SEMA6B: variants seen among roughly 807,000 people sequenced by gnomAD.
SEMA6B encodes semaphorin 6B, also known as semaphorin-6B.
SEMA6B carries 47 observed loss-of-function variants against 78.6 expected under a neutral mutation model. That is an observed-to-expected ratio of 0.60 (90% CI 0.47 to 0.76). The LOEUF is 0.76. Ranked by LOEUF, SEMA6B falls within the 30% of genes least tolerant of loss-of-function variation. SEMA6B has a pLI of 0.00. For synonymous variants in SEMA6B, 632 were observed against 592.2 expected, an observed-to-expected ratio of 1.07 and a Z score of -0.98; for missense variants, 1,213 against 1,269.9, an observed-to-expected ratio of 0.96 and a Z score of 0.68.
At position 4,558,779 on chromosome 19, in the gene SEMA6B, A is replaced by G. The variant is rs1374311787; in HGVS notation, c.-32-290T>C. 6.6e-6 allele frequency among the ~76,000 whole-genome samples: 1 copy of G among 152,090 alleles called. No homozygotes were observed. Among genetic ancestry groups the G allele is most frequent in the Non-Finnish European group, 1.5e-5 (1 of 68,026 alleles). ...TTATAATAATAGATACAAATATCCT[A>G]AAACATATATTTAAAAATGCAATCG... On this transcript the variant is annotated intron_variant, in intron 1 of 16. Coordinates refer to ENST00000586582, the MANE Select transcript of SEMA6B (RefSeq NM_032108.4). This position sits in a 1 kb window ranked among gnomAD's most constrained non-coding sequence, Gnocchi z 5.1.
chr19:4,546,065 C>CGG, intron 16 of SEMA6B, 151 bp downstream of exon 16: 1 of 790,640 alleles, frequency 1.3e-6, no homozygotes, highest in Non-Finnish European at 1.9e-6. Flanking sequence ...GCCACCGCGC[C>CGG]CGGCCCACCC....
chr19:4,544,195 C>A lies in SEMA6B; in HGVS notation c.2073G>T (p.Lys691Asn), dbSNP rs1977101495. Residue 691 changes from lysine to asparagine, a missense_variant, in exon 17 of 17, where the codon AAG (lysine) becomes AAT (asparagine). Coordinates refer to ENST00000586582, the MANE Select transcript of SEMA6B (RefSeq NM_032108.4). The surrounding 1 kb of genome is among the most constrained non-coding windows in gnomAD (Gnocchi z 5.1). Reference protein sequence around the residue: ...LAPLMQNGWAKATLLQGGPHD... With the variant: ...LAPLMQNGWANATLLQGGPHD... Reference sequence around the variant, plus strand: ...GGGGCCCGCCCTGCAGCAGCGTGGCCTTGGCCCAGCCGTTCTGCATCAGGG... The same window carrying A: ...GGGGCCCGCCCTGCAGCAGCGTGGCATTGGCCCAGCCGTTCTGCATCAGGG... 6.3e-6 allele frequency: 8 copies of A among 1,272,680 alleles called. No individual in the cohort carries two copies. The highest frequency in any genetic ancestry group is 7.9e-6 in the Non-Finnish European group (8 of 1,011,474). 78.8% of individuals were successfully genotyped at this position (1,272,680 alleles called of 1,614,324 possible).
Position 4,558,343 on chromosome 19 carries a change from T to TG in SEMA6B, c.114dup (p.Arg39GlnfsTer25). 7.7e-7 allele frequency: 1 copy of TG among 1,299,266 alleles called. No individual in the cohort carries two copies. Among genetic ancestry groups the TG allele is most frequent in the East Asian group, 3.0e-5 (1 of 33,318 alleles). The allele number at this position is 1,299,266 out of a possible 1,614,324, so 80.5% of individuals were successfully genotyped here. A position where few individuals can be genotyped will look rare whatever the true frequency, so the allele number is the denominator to read the frequency against. On this transcript the variant is annotated frameshift_variant, in exon 2 of 17. Transcript: ENST00000586582. LOFTEE classifies it high-confidence loss of function. This position sits in a 1 kb window ranked among gnomAD's most constrained non-coding sequence, Gnocchi z 5.1. The stretch of plus-strand genomic sequence containing the variant: ...AAGACACCCCCAGACTCACAGTCCC[T>TG]GGGGGCCACGCTAAGCGGCGGCGGC...
In SEMA6B at chr19:4,548,175, TG is replaced by T. The variant is rs369127212; in HGVS notation, c.1455-3del. On this transcript the variant is annotated splice_region_variant and splice_polypyrimidine_tract_variant and intron_variant, in intron 13 of 16. Transcript: ENST00000586582. ...TCGCCACCGCCGGGCCGTCCACACC[TG>T]GGGACAAGCAGAGTGGTGAGGCTGA... is the stretch of plus-strand genomic sequence containing the variant. The T allele has an allele frequency of 7.8e-5, 124 of 1,589,712 alleles. No individual in the cohort carries two copies. The East Asian group carries it at 2.7e-3, about 35-fold the overall frequency.
At chr19:4,554,353 CCT>C in intron 9 of SEMA6B, 33 bp downstream of exon 9, 1 of 1,514,724 alleles carries the variant, frequency 6.6e-7, no homozygotes, top group Non-Finnish European at 9.2e-7. Context: ...ATGATCAGAG[CCT>C]CTCAACTTCA....
intron 9 of SEMA6B, among the ~76,000 whole-genome samples, chr19:4,554,004 T>C (rs1269291997): frequency 6.6e-6 from 1 of 151,630 alleles, no homozygotes; most frequent in Non-Finnish European, 1.5e-5. Flanking sequence ...GATGAGTAGA[T>C]GGATTAATGG....
intron 9 of SEMA6B, among the ~76,000 whole-genome samples, chr19:4,553,058 C>T (rs756885116): frequency 2.0e-5 from 3 of 152,060 alleles, no homozygotes; most frequent in Non-Finnish European, 4.4e-5. Flanking sequence ...CCTGGATGGA[C>T]GGATGAGTGG....
At chr19:4,556,144 T>C (rs1977464237) in intron 5 of SEMA6B, 55 bp from the exon 6 acceptor site, 6 of 1,299,206 alleles carry the variant, frequency 4.6e-6, no homozygotes, top group African/African-American at 4.4e-5. Flanking sequence ...GTCATGGTGA[T>C]GGGCGTGGCC....
Position 4,543,252 on chromosome 19 carries a change from G to A in SEMA6B, c.*349C>T, listed in dbSNP as rs1016646048. ...CCCCACCGGCGTCCAAGCCTCCCCT[G>A]CCTGCCGCCACCCCGAGAACGGAGT... On this transcript the variant is annotated 3_prime_UTR_variant, in exon 17 of 17. Coordinates refer to ENST00000586582, the MANE Select transcript of SEMA6B (RefSeq NM_032108.4). The A allele has an allele frequency of 1.9e-6, 1 of 529,654 alleles. No homozygotes were observed. Among genetic ancestry groups the A allele is most frequent in the Non-Finnish European group, 3.3e-6 (1 of 298,694 alleles). 32.8% of individuals were successfully genotyped at this position (529,654 alleles called of 1,614,324 possible). A position where few individuals can be genotyped will look rare whatever the true frequency, so the allele number is the denominator to read the frequency against.
At position 4,542,617 on chromosome 19, in the gene SEMA6B, T is replaced by C; in HGVS notation, c.*984A>G. On this transcript the variant is annotated 3_prime_UTR_variant, in exon 17 of 17. Coordinates refer to ENST00000586582, the MANE Select transcript of SEMA6B (RefSeq NM_032108.4). ...GTGGTTGTAAACAGAGTTTTATTGATGGGGAGGGGGCTGGGGGAGGCAAAC... is the reference window on the plus strand; with the variant it reads ...GTGGTTGTAAACAGAGTTTTATTGACGGGGAGGGGGCTGGGGGAGGCAAAC... The C allele has an allele frequency of 2.0e-6, 1 of 510,318 alleles. No homozygotes were observed. The highest frequency in any genetic ancestry group is 3.6e-6 in the Non-Finnish European group (1 of 278,152). The allele number at this position is 510,318 out of a possible 1,614,324, so 31.6% of individuals were successfully genotyped here. A position where few individuals can be genotyped will look rare whatever the true frequency, so the allele number is the denominator to read the frequency against.
rs1444664005 is a variant in SEMA6B at position 4,555,213 on chromosome 19, C to T, written c.563-118G>A. 9 of 1,132,464 alleles carry T rather than the reference C, an allele frequency of 7.9e-6. No individual in the cohort carries two copies. Among genetic ancestry groups the T allele is most frequent in the African/African-American group, 1.5e-5 (1 of 65,062 alleles). The allele number at this position is 1,132,464 out of a possible 1,614,324, so 70.2% of individuals were successfully genotyped here. A position where few individuals can be genotyped will look rare whatever the true frequency, so the allele number is the denominator to read the frequency against. ...CTGAGCCTAGGGGAGCCCCTGTCTC[C>T]AGGCTGAGCCCTGATCCCATCCAAG... On this transcript the variant is annotated intron_variant, in intron 7 of 16. Transcript: ENST00000586582. The surrounding 1 kb of genome is among the most constrained non-coding windows in gnomAD (Gnocchi z 6.1).
In SEMA6B at chr19:4,550,341, GT is replaced by G. The variant is rs1977292484; in HGVS notation, c.1122-70del. The G allele has an allele frequency of 1.9e-6, 3 of 1,542,982 alleles. No homozygotes were observed. In the African/African-American group the frequency reaches 4.1e-5, roughly 21 times the overall value. ...CATAAAGGGGCCTGATTCACCAGAG[GT>G]ACCCATTGCTTTGCCCAACGACCCT... On this transcript the variant is annotated intron_variant, in intron 11 of 16. Transcript: ENST00000586582. The surrounding 1 kb of genome is among the most constrained non-coding windows in gnomAD (Gnocchi z 6.6).
chr19:4,548,670 C>T (rs1315046951), intron 12 of SEMA6B, among the ~76,000 whole-genome samples: 1 of 152,254 alleles, frequency 6.6e-6, no homozygotes, highest in African/African-American at 2.4e-5. Flanking sequence ...CTCTCCTCAG[C>T]CCTGTCTCTT....
rs1027807671 is a variant in SEMA6B at position 4,543,465 on chromosome 19, C to T, written c.*136G>A. 5 of 129,692 alleles carry T rather than the reference C, an allele frequency of 3.9e-5. No individual in the cohort carries two copies. The highest frequency in any genetic ancestry group is 1.4e-5 in the Non-Finnish European group (1 of 73,762). 8.0% of individuals were successfully genotyped at this position (129,692 alleles called of 1,614,324 possible). A position where few individuals can be genotyped will look rare whatever the true frequency, so the allele number is the denominator to read the frequency against. ...TTGTGCTTCCTTGTGGCGGAGGGGG[C>T]CCCCCACTCCGCGGGTGGGTCGCGG... On this transcript the variant is annotated 3_prime_UTR_variant, in exon 17 of 17. Coordinates refer to ENST00000586582, the MANE Select transcript of SEMA6B (RefSeq NM_032108.4).
At chr19:4,551,220 C>CT (rs550058306) in intron 10 of SEMA6B, among the ~76,000 whole-genome samples, 12,634 of 132,884 alleles carry the variant, frequency 0.095, 946 homozygotes, top group African/African-American at 0.2. Flanking sequence ...CCCCAGCAGG[C>CT]TTTTTTTTTT....
intron 3 of SEMA6B, 112 bp downstream of exon 3, chr19:4,557,914 C>T (rs1380497081): frequency 1.7e-5 from 16 of 952,544 alleles, no homozygotes; most frequent in Non-Finnish European, 2.2e-5. Context: ...TCCCAATGGC[C>T]CAACAGGCCC....
At position 4,544,336 on chromosome 19, in the gene SEMA6B, C is replaced by T. The variant is rs1399547813; in HGVS notation, c.1932G>A (p.Ala644=). ...GGCTGACGCTCAGCACCGCCTCGCCCGCCCCGTGCGCCAGGATGGCCTCCT... is the reference window on the plus strand; with the variant it reads ...GGCTGACGCTCAGCACCGCCTCGCCTGCCCCGTGCGCCAGGATGGCCTCCT... The part of the protein sequence containing the change: ...KDKEAILAHG[A]GEAVLSVSRL... Residue 644 remains alanine (A), a synonymous_variant, in exon 17 of 17, where the codon GCG becomes GCA. Coordinates refer to ENST00000586582, the MANE Select transcript of SEMA6B (RefSeq NM_032108.4). The surrounding 1 kb of genome is among the most constrained non-coding windows in gnomAD (Gnocchi z 5.1). The T allele has an allele frequency of 1.3e-6, 2 of 1,530,246 alleles. No individual in the cohort carries two copies. Among genetic ancestry groups the T allele is most frequent in the South Asian group, 2.4e-5 (2 of 83,128 alleles). 94.8% of individuals were successfully genotyped at this position (1,530,246 alleles called of 1,614,324 possible).
At position 4,555,054 on chromosome 19, in the gene SEMA6B, T is replaced by C; in HGVS notation, c.604A>G (p.Ile202Val). ...FTATVTDFLA[I>V]DAVIYRSLGD... ...AGGCTGCGGTAGATGACAGCATCAA[T>C]GGCTAGGAAGTCGGTAACAGTAGCT... The change falls in exon 8 of 17, where the codon ATT becomes GTT. Residue 202 changes from isoleucine to valine, a missense_variant. Ile to Val is a conservative substitution (Grantham distance 29). Transcript: ENST00000586582. The surrounding 1 kb of genome is among the most constrained non-coding windows in gnomAD (Gnocchi z 6.1). 1 of 1,613,936 alleles carries C rather than the reference T, an allele frequency of 6.2e-7. No homozygotes were observed. The highest frequency in any genetic ancestry group is 8.5e-7 in the Non-Finnish European group (1 of 1,179,966).
At position 4,544,845 on chromosome 19, in the gene SEMA6B, G is replaced by A. The variant is rs772273132; in HGVS notation, c.1739-316C>T. On this transcript the variant is annotated intron_variant, in intron 16 of 16. Transcript: ENST00000586582. This position sits in a 1 kb window ranked among gnomAD's most constrained non-coding sequence, Gnocchi z 5.1. ...GGATGGGGTTTCACCACGTTGGCCA[G>A]GCTGGTCTGAACTCCTGACCTTGTG... Among the ~76,000 whole-genome samples, 55 of 152,030 alleles carry A rather than the reference G, an allele frequency of 3.6e-4. No individual in the cohort carries two copies. The highest frequency in any genetic ancestry group is 6.5e-4 in the Non-Finnish European group (44 of 68,000).
Sources: gnomAD v4.1 joint callset for allele counts (sites outside exome capture counted in the v4.1 genomes callset) on GRCh38, gnomAD v4.1.1 for gene constraint, Gnocchi (gnomAD v3.1) non-coding constraint, MANE v1.5 for transcripts, NCBI Gene and HGNC (gene_info 2026-07-23, HGNC 2026-07-21) for gene names.